The following MICAL3 variants were observed in gnomAD, a reference collection of about 807,000 sequenced individuals.
MICAL3 encodes the protein microtubule associated monooxygenase, calponin and LIM domain containing 3, also known as [F-actin]-monooxygenase MICAL3.
Under a neutral mutation model 207.4 loss-of-function variants are expected in MICAL3, and 62 were observed. The observed-to-expected ratio is 0.30, with a 90% confidence interval of 0.24 to 0.37. The LOEUF (loss-of-function observed/expected upper bound fraction) is 0.37, where lower values mean the gene tolerates loss of function less well. MICAL3 is among the 10% of genes least tolerant of loss of function. MICAL3 has a pLI of 1.00. For missense variants in MICAL3, 2,368 were observed against 2,635.6 expected, an observed-to-expected ratio of 0.90 and a Z score of 2.22; for synonymous variants, 1,077 against 1,069.3, an observed-to-expected ratio of 1.01 and a Z score of -0.14.
intron 10 of MICAL3, 134 bp downstream of exon 10, chr22:17,895,150 G>A (rs1437141818): frequency 2.0e-4 from 166 of 849,552 alleles, no homozygotes; most frequent in Non-Finnish European, 3.7e-6. Context: ...CCAATTCAGA[G>A]AGACATCTAC....
At chr22:17,919,657 G>C (rs1932753654) in intron 1 of MICAL3, among the ~76,000 whole-genome samples, 1 of 152,224 alleles carries the variant, frequency 6.6e-6, no homozygotes, top group Non-Finnish European at 1.5e-5. Context: ...GGAGAGTCCA[G>C]ATGGCTTCTG....
chr22:17,986,998 G>A (rs1921091797), intron 1 of MICAL3, among the ~76,000 whole-genome samples: 1 of 152,046 alleles, frequency 6.6e-6, no homozygotes, highest in Non-Finnish European at 1.5e-5. Flanking sequence ...CAACGCTTTG[G>A]GAGGCTGAGG....
intron 7 of MICAL3, among the ~76,000 whole-genome samples, chr22:17,898,833 TGGA>T (rs1931090295): frequency 6.6e-6 from 1 of 152,210 alleles, no homozygotes; most frequent in Non-Finnish European, 1.5e-5. Context: ...CTGGCTATGA[TGGA>T]GCTCAGACCT....
rs1461262478 is a variant in MICAL3, at chr22:17,994,216, G to A, written c.-75+30065C>T. On this transcript the variant is annotated intron_variant, in intron 1 of 31. Coordinates refer to ENST00000441493, the MANE Select transcript of MICAL3 (RefSeq NM_015241.3). Reference sequence around the variant, plus strand: ...ACAACAAGGAGCTTTGTTGGTGGAGGAGGGAGGAATATGGCTAGAACCTCT... The same window carrying A: ...ACAACAAGGAGCTTTGTTGGTGGAGAAGGGAGGAATATGGCTAGAACCTCT... 5.3e-5 allele frequency among the ~76,000 whole-genome samples: 8 copies of A among 152,230 alleles called. 1 individual carries two copies. Among genetic ancestry groups the A allele is most frequent in the African/African-American group, 1.9e-4 (8 of 41,462 alleles).
chr22:17,913,472 A>G (rs750047331), intron 1 of MICAL3, among the ~76,000 whole-genome samples: 3 of 152,118 alleles, frequency 2.0e-5, no homozygotes, highest in Non-Finnish European at 2.9e-5. Context: ...GTGCTACCAA[A>G]ACGTGGTATC....
intron 19 of MICAL3, chr22:17,864,222 T>A: frequency 9.9e-7 from 1 of 1,014,482 alleles, no homozygotes. Flanking sequence ...GAGATGGTAC[T>A]GTTCACCTCC....
chr22:17,788,936 CGGCAGGCGGCTGGAGCGCCCCT>C lies in MICAL3; in HGVS notation c.*1774_*1795del, dbSNP rs1359365058. The stretch of plus-strand genomic sequence containing the variant: ...CCCAGCTGGCCCCAGCCCACGGAGG[CGGCAGGCGGCTGGAGCGCCCCT>C]GGCAGGCGGGTCTGGTCCGGATGGC... On this transcript the variant is annotated 3_prime_UTR_variant, in exon 32 of 32. Coordinates refer to ENST00000441493, the MANE Select transcript of MICAL3 (RefSeq NM_015241.3). 4 of 152,500 alleles carry C rather than the reference CGGCAGGCGGCTGGAGCGCCCCT, an allele frequency of 2.6e-5. No homozygotes were observed. The highest frequency in any genetic ancestry group is 5.9e-5 in the Non-Finnish European group (4 of 68,240). The allele number at this position is 152,500 out of a possible 1,614,324, so 9.4% of individuals were successfully genotyped here.
intron 28 of MICAL3, among the ~76,000 whole-genome samples, 169 bp from the exon 29 acceptor site, chr22:17,809,106 C>T (rs77991935): frequency 0.022 from 3,401 of 152,366 alleles, 59 homozygotes; most frequent in African/African-American, 0.047. Flanking sequence ...GCACCAGAAC[C>T]ACCTAGCTTG....
chr22:17,860,374 C>G, intron 19 of MICAL3: 1 of 985,452 alleles, frequency 1.0e-6, no homozygotes, highest in Non-Finnish European at 1.2e-6. Flanking sequence ...AGACAGGCAG[C>G]AGTGGCGTGT....
Position 17,818,852 on chromosome 22 carries a change from G to T in MICAL3, c.3809C>A (p.Ala1270Asp). ...GGACTGGGTAGGGGATGGGACAGTG[G>T]CCTCGGTGGAAGGCTGGGGCTGGGA... ...ICSQPQPSTE[A>D]TVPSPTQSPI... Residue 1270 changes from alanine to aspartate, a missense_variant, in exon 26 of 32, where the codon GCC becomes GAC. By Grantham distance (126) the Ala-to-Asp change is moderately radical. Around this residue, in one of 4 missense-constraint regions of MICAL3, gnomAD observed 1,770 missense variants for 1,863.2 expected, o/e 0.95. Coordinates refer to ENST00000441493, the MANE Select transcript of MICAL3 (RefSeq NM_015241.3). The T allele has an allele frequency of 6.5e-7, 1 of 1,547,518 alleles. No individual in the cohort carries two copies. Among genetic ancestry groups the T allele is most frequent in the South Asian group, 1.2e-5 (1 of 81,106 alleles).
At chr22:17,968,776 G>A (rs1290153416) in intron 1 of MICAL3, among the ~76,000 whole-genome samples, 1 of 152,134 alleles carries the variant, frequency 6.6e-6, no homozygotes, top group Admixed American at 6.5e-5. Context: ...GCATACTAAA[G>A]GAGCTCGAGG....
chr22:17,864,929 C>T lies in MICAL3; in HGVS notation c.2575G>A (p.Ala859Thr), dbSNP rs202075015. Residue 859 changes from alanine (A) to threonine (T), a missense_variant, in exon 19 of 32, where the codon GCC (alanine) becomes ACC (threonine). By Grantham distance (58) the Ala-to-Thr change is moderately conservative (BLOSUM62 0). Around this residue, in one of 4 missense-constraint regions of MICAL3, gnomAD observed 1,770 missense variants for 1,863.2 expected, o/e 0.95. Coordinates refer to ENST00000441493, the MANE Select transcript of MICAL3 (RefSeq NM_015241.3). Reference protein sequence around the residue: ...ATTDANGRANAVASSTERTPG... With the variant: ...ATTDANGRANTVASSTERTPG... ...GTTCTCTCAGTGGAGCTGGCCACGG[C>T]GTTGGCCCGTCCGTTTGCATCTGTG... 81 of 1,613,730 alleles carry T rather than the reference C, an allele frequency of 5.0e-5. No individual in the cohort carries two copies. Among genetic ancestry groups the T allele is most frequent in the African/African-American group, 1.3e-4 (10 of 74,972 alleles).
chr22:18,001,250 G>A (rs1371781626), intron 1 of MICAL3: 1 of 152,022 alleles, frequency 6.6e-6, no homozygotes, highest in East Asian at 1.9e-4. Context: ...GAGGCTCGGC[G>A]CGCGTCCGCT....
intron 1 of MICAL3, among the ~76,000 whole-genome samples, chr22:17,919,108 T>C (rs1288131016): frequency 7.0e-6 from 1 of 143,724 alleles, no homozygotes; most frequent in African/African-American, 2.8e-5. Context: ...GCTCACTCTG[T>C]CACCCAGCCT....
chr22:18,019,022 T>A (rs950071793), intron 1 of MICAL3, among the ~76,000 whole-genome samples: 1 of 152,018 alleles, frequency 6.6e-6, no homozygotes, highest in South Asian at 2.1e-4. Context: ...CGAAACCCTG[T>A]CTGTACAAAA....
chr22:17,842,077 G>C (rs1204051802), intron 19 of MICAL3, 60 bp from the exon 20 acceptor site: 7 of 1,500,940 alleles, frequency 4.7e-6, no homozygotes, highest in Non-Finnish European at 5.4e-6. Context: ...GCGTGGGGGT[G>C]GGGGCTGACA....
chr22:17,965,202 AAG>A (rs1491311843), intron 1 of MICAL3, among the ~76,000 whole-genome samples: 4 of 150,470 alleles, frequency 2.7e-5, no homozygotes, highest in Non-Finnish European at 1.5e-5. Flanking sequence ...AAAAAAAAAA[AAG>A]GAAGGGAACT....
intron 16 of MICAL3, among the ~76,000 whole-genome samples, chr22:17,877,831 T>C (rs867969491): frequency 6.6e-6 from 1 of 152,130 alleles, no homozygotes. Flanking sequence ...CTATTCAACA[T>C]GCTCCCCTCC....
chr22:17,870,362 G>A (rs1185307278), intron 17 of MICAL3, among the ~76,000 whole-genome samples: 1 of 152,100 alleles, frequency 6.6e-6, no homozygotes, highest in African/African-American at 2.4e-5. Flanking sequence ...TCTACAAAGC[G>A]ACAACCTAGG....
Sources: allele counts gnomAD v4.1 joint callset (sites outside exome capture counted in the v4.1 genomes callset), GRCh38; gene constraint gnomAD v4.1.1; regional missense constraint gnomAD v4.1.1; transcripts MANE v1.5; gene names NCBI Gene and HGNC (gene_info 2026-07-23, HGNC 2026-07-21).